FSTL4: variants seen among roughly 807,000 people sequenced by gnomAD.
FSTL4 encodes follistatin-related protein 4.
FSTL4 carries 28 observed loss-of-function variants against 78.2 expected under a neutral mutation model. That is an observed-to-expected ratio of 0.36 (90% CI 0.27 to 0.49). FSTL4 has a LOEUF of 0.49. Among genes scored for constraint, FSTL4 ranks in the 20% least tolerant of loss-of-function variants. FSTL4 has a pLI of 0.98. For missense variants in FSTL4, 922 were observed against 1,084.9 expected (o/e 0.85, Z 2.11); for synonymous variants, 422 against 440.5 (o/e 0.96, Z 0.53).
intron 3 of FSTL4, among the ~76,000 whole-genome samples, chr5:133,447,496 G>A (rs528103335): frequency 2.6e-4 from 40 of 152,132 alleles, no homozygotes; most frequent in Non-Finnish European, 5.3e-4. Flanking sequence ...AAAGTTCACC[G>A]AAACACATGA....
chr5:133,629,389 A>T, the FSTL4 span, among the ~76,000 whole-genome samples: 3 of 152,218 alleles, frequency 2.0e-5, no homozygotes, highest in South Asian at 6.2e-4. Flanking sequence ...TAAGCTAGAA[A>T]ATCTAGAAGA....
chr5:133,571,285 CTCTA>C (rs1291278813), intron 2 of FSTL4, among the ~76,000 whole-genome samples: 1 of 152,152 alleles, frequency 6.6e-6, no homozygotes, highest in Non-Finnish European at 1.5e-5. Flanking sequence ...TATTCCAGGA[CTCTA>C]TCTGTCTAAC....
At chr5:133,458,743 T>C (rs1206127367) in intron 3 of FSTL4, among the ~76,000 whole-genome samples, 3 of 152,220 alleles carry the variant, frequency 2.0e-5, no homozygotes, top group Non-Finnish European at 4.4e-5. Flanking sequence ...GCATCACTGT[T>C]GTCTGTGGGA....
At chr5:133,462,707 C>G (rs39891) in intron 3 of FSTL4, among the ~76,000 whole-genome samples, 120,066 of 152,214 alleles carry the variant, frequency 0.79, 47,906 homozygotes, top group African/African-American at 0.91. Context: ...TGACTCTGCA[C>G]GGTCCAGCTG....
At chr5:133,329,461 G>A (rs1055839760) in intron 4 of FSTL4, among the ~76,000 whole-genome samples, 1 of 152,058 alleles carries the variant, frequency 6.6e-6, no homozygotes, top group African/African-American at 2.4e-5. Flanking sequence ...TCTGTTTGCA[G>A]CTCTCACAAG....
chr5:133,576,958 T>C (rs568874391), intron 2 of FSTL4, among the ~76,000 whole-genome samples: 1 of 152,320 alleles, frequency 6.6e-6, no homozygotes, highest in Admixed American at 6.5e-5. Flanking sequence ...TATTCTGCAA[T>C]TAAAATCTTC....
chr5:133,473,011 C>T (rs1757856282), intron 3 of FSTL4, among the ~76,000 whole-genome samples: 1 of 152,240 alleles, frequency 6.6e-6, no homozygotes, highest in Non-Finnish European at 1.5e-5. Context: ...ACCTTGCTTT[C>T]TCAGCAAAGG....
chr5:133,458,586 C>T (rs1176641999), intron 3 of FSTL4, among the ~76,000 whole-genome samples: 3 of 152,252 alleles, frequency 2.0e-5, no homozygotes, highest in Non-Finnish European at 4.4e-5. Context: ...GGGTTGGAAT[C>T]CCCGTCCTTC....
At chr5:133,368,958 G>C (rs1233245073) in intron 4 of FSTL4, among the ~76,000 whole-genome samples, 1 of 152,230 alleles carries the variant, frequency 6.6e-6, no homozygotes, top group Non-Finnish European at 1.5e-5. Context: ...CTGCATAAAG[G>C]GGATTTTCCA....
intron 2 of FSTL4, among the ~76,000 whole-genome samples, chr5:133,581,813 T>C (rs1360168389): frequency 9.9e-5 from 15 of 152,262 alleles, no homozygotes; most frequent in Admixed American, 9.2e-4. Context: ...TTCTAATGTA[T>C]GGACAAGTTT....
intron 6 of FSTL4, among the ~76,000 whole-genome samples, chr5:133,308,500 C>T (rs752083601): frequency 2.5e-4 from 38 of 152,298 alleles, no homozygotes; most frequent in Non-Finnish European, 4.1e-4. Context: ...AGGATGCTTG[C>T]GGTTGCTTAT....
At chr5:133,623,393 T>G in the FSTL4 span, among the ~76,000 whole-genome samples, 1 of 152,026 alleles carries the variant, frequency 6.6e-6, no homozygotes, top group East Asian at 1.9e-4. Flanking sequence ...GACTATACAA[T>G]GGAGAAAGAA....
chr5:133,202,200 G>T (rs926836902), intron 14 of FSTL4, among the ~76,000 whole-genome samples, 158 bp from the exon 15 acceptor site: 1 of 152,150 alleles, frequency 6.6e-6, no homozygotes, highest in African/African-American at 2.4e-5. Context: ...GAGCAAAGTG[G>T]GAGCAGTTCA....
At chr5:133,694,120 C>T in the FSTL4 span, among the ~76,000 whole-genome samples, 3 of 152,222 alleles carry the variant, frequency 2.0e-5, no homozygotes, top group African/African-American at 7.2e-5. Context: ...AAATTCCAGA[C>T]TGAAATATTC....
the FSTL4 span, among the ~76,000 whole-genome samples, chr5:133,821,248 G>A: frequency 2.0e-5 from 3 of 152,228 alleles, no homozygotes; most frequent in Non-Finnish European, 2.9e-5. Flanking sequence ...CATGCCTTCA[G>A]CAAAAGGTCA....
At chr5:133,463,115 C>G (rs1208829508) in intron 3 of FSTL4, among the ~76,000 whole-genome samples, 1 of 152,216 alleles carries the variant, frequency 6.6e-6, no homozygotes, top group African/African-American at 2.4e-5. Context: ...GGCCCAAGGC[C>G]ACGCCAGCAT....
Position 133,567,209 on chromosome 5 carries a change from C to A in FSTL4, c.137G>T (p.Ser46Ile). The change falls in exon 3 of 16, where the codon AGC (serine) becomes ATC (isoleucine). Residue 46 changes from serine to isoleucine, a missense_variant. Ser to Ile is a moderately radical substitution (Grantham distance 142, BLOSUM62 -2). Transcript: ENST00000265342. The stretch of plus-strand genomic sequence containing the variant: ...ACCTTCTCTTCTTGTGACTTCAAAG[C>A]TTCTGGGCTCCTGCAAGAAAAGAAA... ...VGESQAEEPR[S>I]FEVTRREGLS... The A allele has an allele frequency of 6.2e-7, 1 of 1,608,822 alleles. No individual in the cohort carries two copies.
At chr5:133,209,911 T>C (rs764810371) in intron 14 of FSTL4, 5 of 313,254 alleles carry the variant, frequency 1.6e-5, no homozygotes, top group Admixed American at 4.3e-5. Flanking sequence ...CCAGGAGCTA[T>C]TGGCTCAAGA....
At chr5:133,650,663 G>C in the FSTL4 span, among the ~76,000 whole-genome samples, 1 of 152,080 alleles carries the variant, frequency 6.6e-6, no homozygotes, top group Non-Finnish European at 1.5e-5. Flanking sequence ...TCTTTCACCA[G>C]TAAAACACTG....
Sources: allele counts gnomAD v4.1 joint callset (sites outside exome capture counted in the v4.1 genomes callset), GRCh38; gene constraint gnomAD v4.1.1; transcripts MANE v1.5; gene names NCBI Gene and HGNC (gene_info 2026-07-23, HGNC 2026-07-21).